PRR16: variants seen among roughly 807,000 people sequenced by gnomAD.
The protein encoded by PRR16 is protein Largen.
In PRR16, 6 loss-of-function variants were observed where a neutral mutation model predicts 18.2. The observed-to-expected ratio is 0.33, with a 90% CI of 0.18 to 0.65. PRR16 has a LOEUF of 0.65. PRR16 is among the 30% of genes least tolerant of loss of function. PRR16 has a pLI of 0.74. For missense variants in PRR16, 412 were observed against 376.6 expected (o/e 1.09, Z -0.78); for synonymous variants, 151 against 147.8 (o/e 1.02, Z -0.16).
intron 1 of PRR16, among the ~76,000 whole-genome samples, chr5:120,679,178 G>A (rs1236666147): frequency 6.6e-6 from 1 of 152,062 alleles, no homozygotes; most frequent in African/African-American, 2.4e-5. Flanking sequence ...TTGTTTCACT[G>A]TGATTAACAA....
chr5:120,674,975 A>C (rs1009107520), intron 1 of PRR16, among the ~76,000 whole-genome samples: 2 of 152,110 alleles, frequency 1.3e-5, no homozygotes, highest in African/African-American at 4.8e-5. Context: ...TAACTGCAGT[A>C]CATTTTCAAG....
chr5:120,746,515 A>G, the PRR16 span, among the ~76,000 whole-genome samples: 5 of 152,142 alleles, frequency 3.3e-5, no homozygotes, highest in South Asian at 2.1e-4. Context: ...AATTTTGTCA[A>G]TATTTTTCCA....
chr5:120,580,289 G>A (rs2112753031), intron 1 of PRR16, among the ~76,000 whole-genome samples: 1 of 152,118 alleles, frequency 6.6e-6, no homozygotes, highest in East Asian at 1.9e-4. Flanking sequence ...TGGTGAGAGA[G>A]GGCATTCTTG....
chr5:120,776,856 G>A, the PRR16 span, among the ~76,000 whole-genome samples: 141 of 152,074 alleles, frequency 9.3e-4, 2 homozygotes, highest in Admixed American at 3.7e-3. Flanking sequence ...TATTCTGACC[G>A]TAATTCTTAT....
intron 1 of PRR16, among the ~76,000 whole-genome samples, chr5:120,555,958 G>A (rs1752396365): frequency 6.6e-6 from 1 of 151,538 alleles, no homozygotes; most frequent in Admixed American, 6.6e-5. Flanking sequence ...TTATTTCCAT[G>A]GACAGAAGTT....
At chr5:120,784,456 A>G in the PRR16 span, among the ~76,000 whole-genome samples, 22 of 152,322 alleles carry the variant, frequency 1.4e-4, no homozygotes, top group African/African-American at 3.6e-4. Flanking sequence ...TCTGATGATT[A>G]TATATGTTGA....
At chr5:120,726,582 AT>A in the PRR16 span, among the ~76,000 whole-genome samples, 1 of 152,078 alleles carries the variant, frequency 6.6e-6, no homozygotes, top group African/African-American at 2.4e-5. Flanking sequence ...ATTCTTACAA[AT>A]TTTAATGTTT....
chr5:120,783,930 T>C, the PRR16 span, among the ~76,000 whole-genome samples: 1 of 152,146 alleles, frequency 6.6e-6, no homozygotes, highest in South Asian at 2.1e-4. Flanking sequence ...TAAGATAATT[T>C]TTTAAGCTCC....
In PRR16 at chr5:120,523,822, A is replaced by G. The variant is rs185560713; in HGVS notation, c.159+59177A>G. On this transcript the variant is annotated intron_variant, in intron 1 of 1. Coordinates refer to ENST00000407149, the MANE Select transcript of PRR16 (RefSeq NM_001300783.2). ...AATACTTTTAAAGCTAACTTATACC[A>G]TAAAAGATTTAAGCTCATGTCAGAA... is the stretch of plus-strand genomic sequence containing the variant. Among the ~76,000 whole-genome samples the G allele has an allele frequency of 2.7e-3, 412 of 152,292 alleles. 3 individuals carry two copies. The highest frequency in any genetic ancestry group is 7.0e-3 in the South Asian group (34 of 4,832).
the PRR16 span, among the ~76,000 whole-genome samples, chr5:120,718,114 T>C: frequency 1.3e-5 from 2 of 152,118 alleles, no homozygotes; most frequent in African/African-American, 4.8e-5. Flanking sequence ...TTCAAAAATA[T>C]CATAATGTGC....
the PRR16 span, among the ~76,000 whole-genome samples, chr5:120,751,220 G>A: frequency 4.6e-5 from 7 of 152,116 alleles, no homozygotes; most frequent in East Asian, 1.4e-3. Context: ...TCATATTTTG[G>A]CTATTGTGAA....
At chr5:120,498,425 T>C (rs373469102) in intron 1 of PRR16, among the ~76,000 whole-genome samples, 1 of 150,856 alleles carries the variant, frequency 6.6e-6, no homozygotes, top group East Asian at 1.9e-4. Context: ...AAATGAAGTA[T>C]GGAAACCTTA....
intron 1 of PRR16, among the ~76,000 whole-genome samples, chr5:120,676,520 ATATGTGTG>A (rs1210992543): frequency 1.6e-5 from 2 of 123,580 alleles, no homozygotes; most frequent in Admixed American, 7.9e-5. Context: ...ATATATATAT[ATATGTGTG>A]TGTGTGTGTG....
At position 120,686,577 on chromosome 5, in the gene PRR16, A is replaced by C; in HGVS notation, c.783A>C (p.Pro261=). 1.9e-6 allele frequency: 3 copies of C among 1,613,254 alleles called. No homozygotes were observed. Among genetic ancestry groups the C allele is most frequent in the African/African-American group, 1.3e-5 (1 of 74,772 alleles). ...CTACACCCCATCTCCCTCCTTTCCC[A>C]CTAGAAAATGGGGGAATGGGAATAA... The part of the protein sequence containing the change: ...LPPTPHLPPF[P]LENGGMGISH... The change falls in exon 2 of 2, where the codon CCA becomes CCC. Residue 261 remains proline, a synonymous_variant. Transcript: ENST00000407149.
At chr5:120,684,852 A>T (rs539131788) in intron 1 of PRR16, among the ~76,000 whole-genome samples, 52 of 152,000 alleles carry the variant, frequency 3.4e-4, no homozygotes, top group Non-Finnish European at 6.2e-4. Flanking sequence ...TATCTTCACA[A>T]CCTCTCTCCT....
chr5:120,511,321 ACT>A (rs1276659440), intron 1 of PRR16, among the ~76,000 whole-genome samples: 6 of 151,752 alleles, frequency 4.0e-5, no homozygotes, highest in African/African-American at 1.5e-4. Context: ...GCCAAAATGG[ACT>A]CTCTCTTGGA....
chr5:120,701,478 T>A, the PRR16 span, among the ~76,000 whole-genome samples: 2 of 152,132 alleles, frequency 1.3e-5, no homozygotes, highest in Non-Finnish European at 2.9e-5. Context: ...TGCATTTAGC[T>A]CCAGCCACCT....
chr5:120,584,889 GAC>G (rs1163986398), intron 1 of PRR16, among the ~76,000 whole-genome samples: 4 of 152,010 alleles, frequency 2.6e-5, no homozygotes, highest in Non-Finnish European at 5.9e-5. Flanking sequence ...GTGCTATAGA[GAC>G]ACCAAGACTT....
In PRR16 at chr5:120,686,167, C is replaced by T; in HGVS notation, c.373C>T (p.Pro125Ser). The part of the protein sequence containing the change: ...TVLRKPNPPP[P>S]PPRLTPVKCE... ...CCTGAGAAAGCCAAACCCTCCACCA[C>T]CTCCTCCAAGGTTGACACCTGTGAA... The change falls in exon 2 of 2, where the codon CCT (proline) becomes TCT (serine). Residue 125 changes from proline to serine, a missense_variant. Transcript: ENST00000407149. The T allele has an allele frequency of 6.2e-7, 1 of 1,614,154 alleles. No individual in the cohort carries two copies. Among genetic ancestry groups the T allele is most frequent in the Non-Finnish European group, 8.5e-7 (1 of 1,180,012 alleles).
Sources: gnomAD v4.1 joint callset for allele counts (sites outside exome capture counted in the v4.1 genomes callset) on GRCh38, gnomAD v4.1.1 for gene constraint, MANE v1.5 for transcripts, NCBI Gene and HGNC (gene_info 2026-07-23, HGNC 2026-07-21) for gene names.